Variants in KCTD14 observed in about 807,000 individuals in gnomAD.
The protein encoded by KCTD14 is BTB/POZ domain-containing protein KCTD14.
Under a neutral mutation model 5.9 loss-of-function variants are expected in KCTD14, and 7 were observed. The ratio of observed to expected loss-of-function variants is 1.19; its 90% CI spans 0.68 to 2.23. The LOEUF (loss-of-function observed/expected upper bound fraction) is 2.23. Among genes scored for constraint, KCTD14 ranks in the 30% most tolerant of loss-of-function variants. KCTD14 has a pLI of 0.00. For synonymous variants in KCTD14, 140 were observed against 133.1 expected (o/e 1.05, Z -0.36); for missense variants, 342 against 332.2 (o/e 1.03, Z -0.23).
intron 2 of KCTD14, among the ~76,000 whole-genome samples, chr11:78,030,167 T>C (rs59087527): frequency 0.086 from 13,014 of 152,144 alleles, 1,776 homozygotes; most frequent in African/African-American, 0.29. Flanking sequence ...TGCTTCTTTT[T>C]TCCCCCCCTC....
intron 2 of KCTD14, among the ~76,000 whole-genome samples, chr11:78,029,882 T>C (rs190020640): frequency 0.089 from 13,488 of 151,546 alleles, 1,923 homozygotes; most frequent in African/African-American, 0.31. Context: ...CCCAGGTTCA[T>C]ACCATTCTCC....
upstream of KCTD14, chr11:78,023,625 A>G (rs937198738): frequency 1.0e-4 from 20 of 194,690 alleles, no homozygotes; most frequent in Non-Finnish European, 1.8e-4. Flanking sequence ...TGATCCTCCC[A>G]CCTCAGCCTC....
At chr11:78,032,958 A>G (rs1857670923) in intron 2 of KCTD14, among the ~76,000 whole-genome samples, 1 of 152,116 alleles carries the variant, frequency 6.6e-6, no homozygotes, top group Non-Finnish European at 1.5e-5. Flanking sequence ...CTCAGATTAC[A>G]GGCCTATCCC....
chr11:78,025,114 G>GTATA (rs1311073204), upstream of KCTD14, among the ~76,000 whole-genome samples: 383 of 66,622 alleles, frequency 5.7e-3, 3 homozygotes, highest in Non-Finnish European at 6.3e-3. Context: ...GTGTGTGTGT[G>GTATA]TGTGTATATA....
In KCTD14 at chr11:78,040,978, T is replaced by G. The variant is rs536057608; in HGVS notation, c.-95-2220A>C. Among the ~76,000 whole-genome samples, 14 of 152,304 alleles carry G rather than the reference T, an allele frequency of 9.2e-5. No homozygotes were observed. In the South Asian group the frequency reaches 2.7e-3, roughly 29 times the overall value. On this transcript the variant is annotated intron_variant, in intron 1 of 2. Coordinates refer to the KCTD14 transcript ENST00000533144. Reference sequence around the variant, plus strand: ...AGCCACCGCGCCCGGCCACTAGGACTTAATTTGAATGGAAGGTGATTTTGC... The same window carrying G: ...AGCCACCGCGCCCGGCCACTAGGACGTAATTTGAATGGAAGGTGATTTTGC...
chr11:78,019,472 T>C (rs1857257050), intron 1 of KCTD14, among the ~76,000 whole-genome samples: 2 of 151,878 alleles, frequency 1.3e-5, no homozygotes, highest in African/African-American at 2.4e-5. Context: ...CATTCAACAC[T>C]GCATCTGGTT....
At position 78,038,570 on chromosome 11, in the gene KCTD14, C is replaced by T. The variant is rs1181939898; in HGVS notation, c.-1+94G>A. The T allele has an allele frequency of 7.0e-6, 10 of 1,426,742 alleles. No individual in the cohort carries two copies. In the African/African-American group the frequency reaches 9.9e-5, roughly 14 times the overall value. The allele number at this position is 1,426,742 out of a possible 1,614,324, so 88.4% of individuals were successfully genotyped here. On this transcript the variant is annotated intron_variant, in intron 2 of 2. Coordinates refer to the KCTD14 transcript ENST00000533144. ...GCTCACTGGCTCCCCAGCCCAAGTG[C>T]GTAGGCCCCAGCTGGTTACCCCAAG...
At chr11:78,024,459 T>C (rs868215704), upstream of KCTD14, among the ~76,000 whole-genome samples, 7 of 147,032 alleles carry the variant, frequency 4.8e-5, no homozygotes, top group Non-Finnish European at 7.5e-5. Flanking sequence ...TATATATATA[T>C]ACATATATAT....
chr11:78,027,927 T>C (rs966287699), upstream of KCTD14, among the ~76,000 whole-genome samples: 1 of 152,102 alleles, frequency 6.6e-6, no homozygotes, highest in Non-Finnish European at 1.5e-5. Context: ...TTAAGGTCTC[T>C]GTTTTGATGG....
At chr11:78,026,588 G>A (rs1212525356), upstream of KCTD14, among the ~76,000 whole-genome samples, 2 of 152,082 alleles carry the variant, frequency 1.3e-5, no homozygotes, top group African/African-American at 4.8e-5. Context: ...GGGCAACATG[G>A]TGAGTCCCCA....
rs540050651 is a variant in KCTD14, at chr11:78,042,091, T to G, written c.-95-3333A>C. Among the ~76,000 whole-genome samples, 299 of 152,280 alleles carry G rather than the reference T, an allele frequency of 2.0e-3. 5 individuals are homozygous for G. Among genetic ancestry groups the G allele is most frequent in the Admixed American group, 0.018 (269 of 15,294 alleles). ...GGTAAAAAAAACCACCTTCACAAAATTATCACAGTGAGAGGAATCTGACAT... is the reference window on the plus strand; with the variant it reads ...GGTAAAAAAAACCACCTTCACAAAAGTATCACAGTGAGAGGAATCTGACAT... On this transcript the variant is annotated intron_variant, in intron 1 of 2. Coordinates refer to the KCTD14 transcript ENST00000533144.
chr11:78,025,114 GTGTGTATATATATATATATATATATATA>G (rs1213584027), upstream of KCTD14, among the ~76,000 whole-genome samples: 8 of 66,894 alleles, frequency 1.2e-4, no homozygotes, highest in African/African-American at 6.8e-4. Context: ...GTGTGTGTGT[GTGTGTATATATATATATATATATATATA>G]TATATATATA....
Position 78,023,189 on chromosome 11 carries a change from G to T in KCTD14, c.61C>A (p.Pro21Thr), listed in dbSNP as rs1388360406. ...GGCCGCCTGGGCCGGGGGGACTGGG[G>T]CAGAGGGGTCTGGCTCGTCATCCTG... ...VGRMTSQTPL[P>T]QSPRPRRPTM... The change falls in exon 1 of 2, where the codon CCC (proline) becomes ACC (threonine). Residue 21 changes from proline (P) to threonine (T), a missense_variant. Transcript: ENST00000353172. 2.5e-6 allele frequency: 4 copies of T among 1,604,872 alleles called. No homozygotes were observed. Among genetic ancestry groups the T allele is most frequent in the Non-Finnish European group, 2.5e-6 (3 of 1,177,932 alleles).
intron 2 of KCTD14, among the ~76,000 whole-genome samples, chr11:78,032,755 A>G (rs891969387): frequency 2.2e-5 from 3 of 136,806 alleles, no homozygotes; most frequent in Non-Finnish European, 4.6e-5. Context: ...CCCAGTCTGG[A>G]GTACAGTGGT....
chr11:78,040,581 C>T (rs1360745333), intron 1 of KCTD14, among the ~76,000 whole-genome samples: 1 of 152,102 alleles, frequency 6.6e-6, no homozygotes, highest in African/African-American at 2.4e-5. Context: ...GTCCTCCATC[C>T]ACCACTCCTG....
At chr11:78,033,899 G>GTACATATATATATA (rs1322215432) in intron 2 of KCTD14, among the ~76,000 whole-genome samples, 1 of 46,448 alleles carries the variant, frequency 2.2e-5, no homozygotes, top group Admixed American at 2.9e-4. Flanking sequence ...ATGTGTGTGT[G>GTACATATATATATA]TGTATATATA....
At chr11:78,028,342 C>T (rs1857521651) in intron 2 of KCTD14, among the ~76,000 whole-genome samples, 1 of 152,090 alleles carries the variant, frequency 6.6e-6, no homozygotes, top group African/African-American at 2.4e-5. Flanking sequence ...CAGTGGCTCG[C>T]GCCTGTAATC....
chr11:78,026,359 C>T (rs1215951594), upstream of KCTD14, among the ~76,000 whole-genome samples: 1 of 152,084 alleles, frequency 6.6e-6, no homozygotes, highest in Non-Finnish European at 1.5e-5. Context: ...AGGAAAATCA[C>T]TTGAACCCGG....
intron 2 of KCTD14, among the ~76,000 whole-genome samples, chr11:78,032,557 C>T (rs918432074): frequency 1.3e-5 from 2 of 152,198 alleles, no homozygotes; most frequent in African/African-American, 2.4e-5. Context: ...TTTTGCTAAA[C>T]CACGATTCAA....
Sources: allele counts gnomAD v4.1 joint callset (sites outside exome capture counted in the v4.1 genomes callset), GRCh38; gene constraint gnomAD v4.1.1; transcripts MANE v1.5; gene names NCBI Gene and HGNC (gene_info 2026-07-23, HGNC 2026-07-21).